The following GBE1 variants were observed in gnomAD, a reference collection of about 807,000 sequenced individuals.
The protein encoded by GBE1 is 1,4-alpha-glucan-branching enzyme.
Under a neutral mutation model 88.8 loss-of-function variants are expected in GBE1, and 70 were observed. That is an observed-to-expected ratio of 0.79 (90% CI 0.65 to 0.96). The LOEUF (loss-of-function observed/expected upper bound fraction) is 0.96, where lower values mean the gene tolerates loss of function less well. GBE1 is among the 40% of genes least tolerant of loss of function. The pLI is 0.00. For missense variants in GBE1, 872 were observed against 871.0 expected, an observed-to-expected ratio of 1.00 and a Z score of -0.01; for synonymous variants, 284 against 300.1, an observed-to-expected ratio of 0.95 and a Z score of 0.56.
intron 7 of GBE1, among the ~76,000 whole-genome samples, chr3:81,600,915 T>C (rs982236513): frequency 1.3e-5 from 2 of 152,062 alleles, no homozygotes; most frequent in African/African-American, 4.8e-5. Flanking sequence ...TGTGTGCACA[T>C]GCATGCGTGT....
chr3:81,544,033 T>C (rs1261116090), intron 12 of GBE1, among the ~76,000 whole-genome samples: 1 of 152,174 alleles, frequency 6.6e-6, no homozygotes, highest in Non-Finnish European at 1.5e-5. Context: ...ACATGCATTT[T>C]TCAGAGGAGA....
At chr3:81,592,786 G>A (rs1054667402) in intron 8 of GBE1, among the ~76,000 whole-genome samples, 25 of 151,728 alleles carry the variant, frequency 1.6e-4, no homozygotes, top group African/African-American at 5.8e-4. Context: ...TTTAAATCTA[G>A]GAAAAGATTT....
intron 12 of GBE1, among the ~76,000 whole-genome samples, chr3:81,537,492 C>G (rs1703093193): frequency 6.6e-6 from 1 of 151,944 alleles, no homozygotes; most frequent in African/African-American, 2.4e-5. Flanking sequence ...TTTCCAAAGG[C>G]TTTGTATGTA....
In GBE1 at chr3:81,722,437, T is replaced by A. The variant is rs150639226; in HGVS notation, c.144-16824A>T. 2.3e-3 allele frequency among the ~76,000 whole-genome samples: 346 copies of A among 152,118 alleles called. 2 individuals carry two copies. The highest frequency in any genetic ancestry group is 8.1e-3 in the African/African-American group (336 of 41,544). ...TGATTTTTCTTTGCTTTTATCTCTG[T>A]TTTTCTATTTTTTCCTACTATAAAC... is the stretch of plus-strand genomic sequence containing the variant. On this transcript the variant is annotated intron_variant, in intron 1 of 15. Coordinates refer to ENST00000429644, the MANE Select transcript of GBE1 (RefSeq NM_000158.4).
intron 12 of GBE1, among the ~76,000 whole-genome samples, chr3:81,559,854 T>C (rs900152093): frequency 2.6e-5 from 4 of 151,982 alleles, no homozygotes; most frequent in Non-Finnish European, 5.9e-5. Context: ...GACTAATGAA[T>C]AACAAAACAG....
At chr3:81,682,163 T>C (rs1705355021) in intron 2 of GBE1, among the ~76,000 whole-genome samples, 1 of 152,152 alleles carries the variant, frequency 6.6e-6, no homozygotes, top group Admixed American at 6.5e-5. Context: ...ACAATAAGCA[T>C]ACAAAAGGAT....
chr3:81,733,722 C>T lies in GBE1; in HGVS notation c.143+27653G>A, dbSNP rs1169866148. On this transcript the variant is annotated intron_variant, in intron 1 of 15. Transcript: ENST00000429644. The surrounding 1 kb of genome is among the most constrained non-coding windows in gnomAD (Gnocchi z 4.0). ...TTTTTATTATATTCTTCTATGTTTT[C>T]TTTTTGCCATGGCATTTATCATCCA... Among the ~76,000 whole-genome samples the T allele has an allele frequency of 1.3e-5, 2 of 152,160 alleles. No individual in the cohort carries two copies. Among genetic ancestry groups the T allele is most frequent in the African/African-American group, 4.8e-5 (2 of 41,446 alleles).
rs1559703531 is a variant in GBE1 at position 81,737,307 on chromosome 3, ATATTTATATATATTTATATATAT to A, written c.143+24045_143+24067del. ...TCAAAATAAATATTTATATAAATAT[ATATTTATATATATTTATATATAT>A]TTTTATATATATTTATATAAATATA... On this transcript the variant is annotated intron_variant, in intron 1 of 15. Transcript: ENST00000429644. 1.3e-4 allele frequency among the ~76,000 whole-genome samples: 13 copies of A among 99,204 alleles called. No individual in the cohort carries two copies. In the East Asian group the frequency reaches 1.8e-3, roughly 14 times the overall value. The allele number at this position is 99,204 out of a possible 152,430, so 65.1% of individuals were successfully genotyped here. A position where few individuals can be genotyped will look rare whatever the true frequency, so the allele number is the denominator to read the frequency against.
intron 12 of GBE1, among the ~76,000 whole-genome samples, chr3:81,549,363 A>G (rs1218988464): frequency 6.6e-6 from 1 of 151,530 alleles, no homozygotes; most frequent in Non-Finnish European, 1.5e-5. Flanking sequence ...AGTTATTTGC[A>G]TAAGTGCAAT....
intron 2 of GBE1, among the ~76,000 whole-genome samples, chr3:81,702,770 T>C (rs565352004): frequency 2.1e-3 from 318 of 152,172 alleles, no homozygotes; most frequent in Non-Finnish European, 3.4e-3. Flanking sequence ...GCCAGGTAAT[T>C]TTAGTTTCCT....
intron 11 of GBE1, among the ~76,000 whole-genome samples, chr3:81,579,517 T>C (rs1703692037): frequency 6.6e-6 from 1 of 152,082 alleles, no homozygotes; most frequent in African/African-American, 2.4e-5. Flanking sequence ...CACTTATTTG[T>C]TTACTCTTTC....
At position 81,721,220 on chromosome 3, in the gene GBE1, T is replaced by TA. The variant is rs1706026840; in HGVS notation, c.144-15608dup. Among the ~76,000 whole-genome samples, 117 of 68,086 alleles carry TA rather than the reference T, an allele frequency of 1.7e-3. 1 individual carries two copies. Among genetic ancestry groups the TA allele is most frequent in the African/African-American group, 9.0e-3 (111 of 12,314 alleles). 44.7% of individuals were successfully genotyped at this position (68,086 alleles called of 152,430 possible). ...GTATAATAAAAAATAAATAAATAAA[T>TA]AAATAAATAAATAAAAACACATGAA... is the stretch of plus-strand genomic sequence containing the variant. On this transcript the variant is annotated intron_variant, in intron 1 of 15. Coordinates refer to ENST00000429644, the MANE Select transcript of GBE1 (RefSeq NM_000158.4).
At chr3:81,654,873 C>A (rs562590733) in intron 3 of GBE1, 1 of 152,012 alleles carries the variant, frequency 6.6e-6, no homozygotes, top group South Asian at 2.1e-4. Flanking sequence ...GATATATGTA[C>A]ACATAAACCC....
chr3:81,600,771 C>T (rs1233252803), intron 7 of GBE1, among the ~76,000 whole-genome samples: 2 of 151,964 alleles, frequency 1.3e-5, no homozygotes, highest in Admixed American at 1.3e-4. Flanking sequence ...AAAGATGCAA[C>T]AATGTACTTG....
chr3:81,638,924 T>C (rs1314331173), intron 7 of GBE1, among the ~76,000 whole-genome samples: 1 of 152,160 alleles, frequency 6.6e-6, no homozygotes, highest in Non-Finnish European at 1.5e-5. Flanking sequence ...ACAGTAAATA[T>C]AATAATTTCA....
At chr3:81,566,107 A>G (rs888924014) in intron 12 of GBE1, among the ~76,000 whole-genome samples, 5 of 152,136 alleles carry the variant, frequency 3.3e-5, no homozygotes, top group African/African-American at 1.2e-4. Flanking sequence ...ACATACCACA[A>G]TCTGAACTTT....
intron 2 of GBE1, among the ~76,000 whole-genome samples, chr3:81,702,666 T>G (rs1308152330): frequency 1.3e-5 from 2 of 151,986 alleles, no homozygotes; most frequent in Non-Finnish European, 2.9e-5. Flanking sequence ...AAATTTGAAA[T>G]TATGCAATAC....
intron 1 of GBE1, among the ~76,000 whole-genome samples, chr3:81,749,326 G>A (rs111674257): frequency 2.2e-4 from 33 of 150,512 alleles, no homozygotes; most frequent in African/African-American, 6.8e-4. Flanking sequence ...GAATTATGCT[G>A]AATGAAAAAA....
chr3:81,618,171 A>G (rs1704275941), intron 7 of GBE1, among the ~76,000 whole-genome samples: 1 of 152,070 alleles, frequency 6.6e-6, no homozygotes, highest in African/African-American at 2.4e-5. Flanking sequence ...TGCTGGCAAC[A>G]AATTATCTTA....
Sources: allele counts gnomAD v4.1 joint callset (sites outside exome capture counted in the v4.1 genomes callset), GRCh38; gene constraint gnomAD v4.1.1; non-coding constraint Gnocchi (gnomAD v3.1); transcripts MANE v1.5; gene names NCBI Gene and HGNC (gene_info 2026-07-23, HGNC 2026-07-21).